Variants in PSD3 observed in about 807,000 individuals in gnomAD.
PSD3 encodes the protein PH and SEC7 domain-containing protein 3.
A neutral mutation model predicts 105.5 loss-of-function variants in PSD3; 49 were observed. The observed-to-expected ratio is 0.46, with a 90% CI of 0.37 to 0.59. The LOEUF is 0.59. Among genes scored for constraint, PSD3 ranks in the 20% least tolerant of loss-of-function variants. PSD3 has a pLI of 0.00. For synonymous variants in PSD3, 557 were observed against 457.8 expected, an observed-to-expected ratio of 1.22 and a Z score of -2.77; for missense variants, 1,561 against 1,263.8, an observed-to-expected ratio of 1.24 and a Z score of -3.57.
At chr8:18,948,093 G>A (rs553142671) in intron 1 of PSD3, among the ~76,000 whole-genome samples, 4 of 152,070 alleles carry the variant, frequency 2.6e-5, no homozygotes, top group Non-Finnish European at 4.4e-5. Flanking sequence ...CTGAGAAGAC[G>A]GGCGGACTTG....
chr8:18,871,926 T>A lies in PSD3; in HGVS notation c.938A>T (p.Lys313Met). ...GVEILWTGGD[K>M]RETQHPIDFE... ...ATCTATAGGATGCTGGGTCTCTCTC[T>A]TGTCTCCTCCTGTCCACAGTATTTC... is the stretch of plus-strand genomic sequence containing the variant. Residue 313 changes from lysine to methionine, a missense_variant, in exon 3 of 16, where the codon AAG becomes ATG. Transcript: ENST00000327040. The A allele has an allele frequency of 1.2e-6, 2 of 1,614,190 alleles. No individual in the cohort carries two copies. Among genetic ancestry groups the A allele is most frequent in the Non-Finnish European group, 1.7e-6 (2 of 1,180,012 alleles).
At chr8:19,048,857 G>T (rs1229190404) in intron 1 of PSD3, among the ~76,000 whole-genome samples, 1 of 152,188 alleles carries the variant, frequency 6.6e-6, no homozygotes, top group Non-Finnish European at 1.5e-5. Context: ...TTAAGCAACA[G>T]AAGTTGATTT....
At chr8:18,847,901 G>T (rs145859160) in intron 4 of PSD3, among the ~76,000 whole-genome samples, 1 of 152,296 alleles carries the variant, frequency 6.6e-6, no homozygotes, top group Non-Finnish European at 1.5e-5. Context: ...AGCAAGATAG[G>T]ATGTGGGCTG....
intron 12 of PSD3, among the ~76,000 whole-genome samples, chr8:18,596,153 T>A (rs1256167395): frequency 1.0e-5 from 1 of 95,458 alleles, no homozygotes; most frequent in Non-Finnish European, 2.4e-5. Context: ...TCCTGAACAA[T>A]CAATGGGTCA....
At chr8:18,739,249 A>G (rs1804381311) in intron 9 of PSD3, among the ~76,000 whole-genome samples, 1 of 152,216 alleles carries the variant, frequency 6.6e-6, no homozygotes, top group African/African-American at 2.4e-5. Flanking sequence ...CCCCACAAAA[A>G]TATAGAACTG....
At chr8:18,920,968 C>T (rs1041725542) in intron 2 of PSD3, among the ~76,000 whole-genome samples, 1 of 152,144 alleles carries the variant, frequency 6.6e-6, no homozygotes, top group African/African-American at 2.4e-5. Flanking sequence ...CGTGATTCTA[C>T]CTATACTTAT....
At chr8:18,969,732 C>T in intron 1 of PSD3, among the ~76,000 whole-genome samples, 1 of 152,050 alleles carries the variant, frequency 6.6e-6, no homozygotes, top group East Asian at 1.9e-4. Context: ...GTAAACATAC[C>T]TGTAAGTTAA....
intron 11 of PSD3, among the ~76,000 whole-genome samples, chr8:18,606,979 A>G (rs1055112019): frequency 2.0e-5 from 3 of 152,218 alleles, no homozygotes; most frequent in African/African-American, 7.2e-5. Context: ...GAAGCTACCC[A>G]TCTAAGGATT....
At chr8:18,814,165 A>G (rs1029750736) in intron 4 of PSD3, among the ~76,000 whole-genome samples, 1 of 152,234 alleles carries the variant, frequency 6.6e-6, no homozygotes, top group Non-Finnish European at 1.5e-5. Context: ...CCTAAGAGCT[A>G]TTTCTCTGTT....
intron 2 of PSD3, among the ~76,000 whole-genome samples, chr8:18,881,096 T>G (rs971282872): frequency 2.6e-5 from 4 of 152,236 alleles, no homozygotes; most frequent in Non-Finnish European, 5.9e-5. Flanking sequence ...GCTTTGTGTA[T>G]CTGGTTAGAT....
chr8:18,913,420 C>T lies in PSD3; in HGVS notation c.130+22614G>A, dbSNP rs569949354. Among the ~76,000 whole-genome samples, 3 of 152,210 alleles carry T rather than the reference C, an allele frequency of 2.0e-5. No homozygotes were observed. The South Asian group carries it at 6.2e-4, about 32-fold the overall frequency. ...GATTCCTGGGCAATCATACCCACTTCCAAAATGTCTTCTAAGCCCCAATGG... is the reference window on the plus strand; with the variant it reads ...GATTCCTGGGCAATCATACCCACTTTCAAAATGTCTTCTAAGCCCCAATGG... On this transcript the variant is annotated intron_variant, in intron 2 of 15. Transcript: ENST00000327040.
intron 1 of PSD3, among the ~76,000 whole-genome samples, chr8:18,987,583 A>C (rs1291603683): frequency 6.6e-6 from 1 of 152,028 alleles, no homozygotes; most frequent in Non-Finnish European, 1.5e-5. Flanking sequence ...CTTTGAAAGG[A>C]CAAGGCAGAG....
intron 3 of PSD3, among the ~76,000 whole-genome samples, chr8:18,868,956 C>A (rs73666742): frequency 0.079 from 12,052 of 152,156 alleles, 525 homozygotes; most frequent in African/African-American, 0.12. Context: ...ATAGGAATAA[C>A]ATAGAATTAG....
At chr8:19,003,959 C>A (rs1300770900) in intron 1 of PSD3, among the ~76,000 whole-genome samples, 1 of 151,978 alleles carries the variant, frequency 6.6e-6, no homozygotes, top group Non-Finnish European at 1.5e-5. Flanking sequence ...CCCAAACATT[C>A]CGATCTTAAG....
intron 1 of PSD3, among the ~76,000 whole-genome samples, chr8:18,950,295 T>C (rs1823157599): frequency 6.6e-6 from 1 of 152,260 alleles, no homozygotes; most frequent in Non-Finnish European, 1.5e-5. Context: ...ATTAGTTTTT[T>C]TGAGGAACTC....
intron 11 of PSD3, among the ~76,000 whole-genome samples, chr8:18,614,238 C>T (rs1398126435): frequency 6.6e-6 from 1 of 152,042 alleles, no homozygotes; most frequent in African/African-American, 2.4e-5. Flanking sequence ...TAACTTATCA[C>T]AAAGTTTTTA....
chr8:18,722,862 A>C (rs1400892290), intron 9 of PSD3, among the ~76,000 whole-genome samples: 1 of 151,676 alleles, frequency 6.6e-6, no homozygotes, highest in African/African-American at 2.4e-5. Context: ...CCAAACTCTA[A>C]TTTTCTGAAC....
At position 18,568,072 on chromosome 8, in the gene PSD3, T is replaced by G. The variant is rs76909234; in HGVS notation, c.2784+4456A>C. 4.3e-3 allele frequency among the ~76,000 whole-genome samples: 661 copies of G among 152,322 alleles called. 5 individuals are homozygous for G. Among genetic ancestry groups the G allele is most frequent in the African/African-American group, 0.016 (647 of 41,582 alleles). ...TCTGTTTCCCTTTCCCCTTCTATCA[T>G]CATTTGATGCTTCCTGAGATTCTTA... On this transcript the variant is annotated intron_variant, in intron 14 of 15. Coordinates refer to ENST00000327040, the MANE Select transcript of PSD3 (RefSeq NM_015310.4).
intron 1 of PSD3, among the ~76,000 whole-genome samples, chr8:19,021,081 G>C (rs1038281629): frequency 3.3e-5 from 5 of 152,172 alleles, no homozygotes; most frequent in African/African-American, 9.7e-5. Context: ...ATGGTAAAGA[G>C]AAAAGAGGAG....
Sources: gnomAD v4.1 joint callset for allele counts (sites outside exome capture counted in the v4.1 genomes callset) on GRCh38, gnomAD v4.1.1 for gene constraint, MANE v1.5 for transcripts, NCBI Gene and HGNC (gene_info 2026-07-23, HGNC 2026-07-21) for gene names.